The following ZNF616 variants were observed in gnomAD, a reference collection of about 807,000 sequenced individuals.
The protein encoded by ZNF616 is zinc finger protein 616.
Under a neutral mutation model 7.6 loss-of-function variants are expected in ZNF616, and 5 were observed. That is an observed-to-expected ratio of 0.66 (90% CI 0.34 to 1.38). The LOEUF is 1.38. Among genes scored for constraint, ZNF616 ranks in the 40% most tolerant of loss-of-function variants. The pLI, the probability that ZNF616 is intolerant of heterozygous loss-of-function variation, is 0.04. For synonymous variants in ZNF616, 319 were observed against 317.2 expected, an observed-to-expected ratio of 1.01 and a Z score of -0.06; for missense variants, 913 against 948.3, an observed-to-expected ratio of 0.96 and a Z score of 0.49.
chr19:52,118,208 G>A (rs183870222), intron 3 of ZNF616, among the ~76,000 whole-genome samples: 1 of 152,210 alleles, frequency 6.6e-6, no homozygotes, highest in Admixed American at 6.5e-5. Context: ...GCCTCCCAAA[G>A]TGCCGGGATT....
At position 52,115,304 on chromosome 19, in the gene ZNF616, G is replaced by A. The variant is rs1408070672; in HGVS notation, c.1860C>T (p.Leu620=). Residue 620 remains leucine, a synonymous_variant, in exon 4 of 4, where the codon CTC becomes CTT. Transcript: ENST00000600228. ...CGKAFNQGST[L]NRHQRIHTGE... ...CGGTATGAATTCTCTGATGTCTATTGAGTGTGGAGCCCTGATTAAAGGCTT... is the reference window on the plus strand; with the variant it reads ...CGGTATGAATTCTCTGATGTCTATTAAGTGTGGAGCCCTGATTAAAGGCTT... The A allele has an allele frequency of 3.8e-5, 62 of 1,613,754 alleles. No individual in the cohort carries two copies. The highest frequency in any genetic ancestry group is 5.3e-5 in the Non-Finnish European group (62 of 1,179,986).
At chr19:52,117,114 T>A in intron 3 of ZNF616, 90 bp from the exon 4 acceptor site, 1 of 1,139,784 alleles carries the variant, frequency 8.8e-7, no homozygotes, top group South Asian at 1.7e-5. Context: ...ACACTAAACA[T>A]AATCTTTATA....
chr19:52,133,587 C>T (rs1010840692), intron 1 of ZNF616, among the ~76,000 whole-genome samples: 6 of 151,974 alleles, frequency 3.9e-5, no homozygotes, highest in Non-Finnish European at 7.4e-5. Context: ...GGCACGATCT[C>T]GGCTCACTGC....
Position 52,139,865 on chromosome 19 carries a change from A to G in ZNF616, c.-210T>C, listed in dbSNP as rs934999051. On this transcript the variant is annotated 5_prime_UTR_variant, in exon 1 of 4. Transcript: ENST00000600228. The surrounding 1 kb of genome is among the most constrained non-coding windows in gnomAD (Gnocchi z 4.1). ...TAATCCAGGCAGACGGAGCGAAGTA[A>G]TGTTTAATCCACGTAGACTGAAACA... 5 of 152,242 alleles carry G rather than the reference A, an allele frequency of 3.3e-5. No homozygotes were observed. The highest frequency in any genetic ancestry group is 7.3e-5 in the Non-Finnish European group (5 of 68,088). The allele number at this position is 152,242 out of a possible 1,614,324, so 9.4% of individuals were successfully genotyped here. A position where few individuals can be genotyped will look rare whatever the true frequency, so the allele number is the denominator to read the frequency against.
chr19:52,130,368 T>G, intron 2 of ZNF616, 133 bp downstream of exon 2: 1 of 892,000 alleles, frequency 1.1e-6, no homozygotes, highest in Non-Finnish European at 1.9e-6. Flanking sequence ...TGGATGAGCA[T>G]GAGCAAATGT....
At chr19:52,121,968 T>A (rs1194143038) in intron 3 of ZNF616, among the ~76,000 whole-genome samples, 1 of 152,060 alleles carries the variant, frequency 6.6e-6, no homozygotes, top group Non-Finnish European at 1.5e-5. Context: ...TAAACATCAG[T>A]TGAGAAGTCC....
At chr19:52,130,010 T>C (rs2088943881) in intron 2 of ZNF616, among the ~76,000 whole-genome samples, 1 of 152,166 alleles carries the variant, frequency 6.6e-6, no homozygotes, top group Non-Finnish European at 1.5e-5. Context: ...TGAGCTCAAG[T>C]GATCCGCCCA....
chr19:52,115,688 A>C lies in ZNF616; in HGVS notation c.1476T>G (p.Pro492=). 6.2e-7 allele frequency: 1 copy of C among 1,612,168 alleles called. No individual in the cohort carries two copies. The highest frequency in any genetic ancestry group is 8.5e-7 in the Non-Finnish European group (1 of 1,179,424). Residue 492 remains proline, a synonymous_variant, in exon 4 of 4, where the codon CCT becomes CCG. Transcript: ENST00000600228. ...AHQRIHTGEK[P]YKCNECGKVF... ...CCTTGCCACATTCATTGCATTTGTA[A>C]GGTTTCTCTCCAGTATGAATTCTCT...
At chr19:52,125,946 T>C (rs1355585129) in intron 2 of ZNF616, among the ~76,000 whole-genome samples, 1 of 152,110 alleles carries the variant, frequency 6.6e-6, no homozygotes, top group Non-Finnish European at 1.5e-5. Context: ...GGGGAGCTTC[T>C]GAGTAGAAAG....
At chr19:52,131,342 G>A (rs1343157703) in intron 1 of ZNF616, among the ~76,000 whole-genome samples, 3 of 151,490 alleles carry the variant, frequency 2.0e-5, no homozygotes, top group Non-Finnish European at 4.4e-5. Context: ...CCTAACTACT[G>A]GAAGGAGAAT....
chr19:52,132,881 G>A (rs2088972691), intron 1 of ZNF616, among the ~76,000 whole-genome samples: 1 of 152,154 alleles, frequency 6.6e-6, no homozygotes, highest in African/African-American at 2.4e-5. Context: ...CAGTAGGTGT[G>A]GACAGAGATA....
rs1283048317 is a variant in ZNF616 at position 52,114,843 on chromosome 19, G to C, written c.2321C>G (p.Thr774Ser). The C allele has an allele frequency of 6.3e-7, 1 of 1,591,044 alleles. No homozygotes were observed. The highest frequency in any genetic ancestry group is 8.5e-7 in the Non-Finnish European group (1 of 1,169,988). ...CTAAGGCCTTGTCACATTGAGTTTA[G>C]TTGTAAGGCTCTCTCCAGTATGTCT... ...RIRHTGESLTTKLNVTRP is the reference protein window; with the variant it reads ...RIRHTGESLTSKLNVTRP Residue 774 changes from threonine to serine, a missense_variant, in exon 4 of 4, where the codon ACT (threonine) becomes AGT (serine). Coordinates refer to ENST00000600228, the MANE Select transcript of ZNF616 (RefSeq NM_178523.5).
rs1014086106 is a variant in ZNF616, at chr19:52,137,404, C to T, written c.-77+2328G>A. Among the ~76,000 whole-genome samples, 8 of 152,052 alleles carry T rather than the reference C, an allele frequency of 5.3e-5. No homozygotes were observed. In the East Asian group the frequency reaches 1.5e-3, roughly 29 times the overall value. On this transcript the variant is annotated intron_variant, in intron 1 of 3. Coordinates refer to ENST00000600228, the MANE Select transcript of ZNF616 (RefSeq NM_178523.5). Reference sequence around the variant, plus strand: ...CACCACTGCACTCTAGCCTGGGCGACAGAGCGAGCGAGACTCTGTCTCAAA... The same window carrying T: ...CACCACTGCACTCTAGCCTGGGCGATAGAGCGAGCGAGACTCTGTCTCAAA...
At chr19:52,131,291 T>G (rs971925716) in intron 1 of ZNF616, among the ~76,000 whole-genome samples, 5 of 89,830 alleles carry the variant, frequency 5.6e-5, no homozygotes, top group Admixed American at 1.1e-4. Context: ...AAAAAAAAAA[T>G]CAACTTGGGT....
At chr19:52,126,405 G>A (rs1428501709) in intron 2 of ZNF616, among the ~76,000 whole-genome samples, 2 of 152,080 alleles carry the variant, frequency 1.3e-5, no homozygotes, top group African/African-American at 4.8e-5. Flanking sequence ...GCACATGCCT[G>A]TAATCTGAGG....
Position 52,115,485 on chromosome 19 carries a change from T to C in ZNF616, c.1679A>G (p.Gln560Arg), listed in dbSNP as rs372249879. ...KCKECGKVFS[Q>R]CSRLTVHRRI... ...CCGATGCACTGTAAGACGTGAACAT[T>C]GACTGAAGACCTTGCCACATTCTTT... is the stretch of plus-strand genomic sequence containing the variant. Residue 560 changes from glutamine to arginine, a missense_variant, in exon 4 of 4, where the codon CAA becomes CGA. By Grantham distance (43) the Gln-to-Arg change is conservative. Transcript: ENST00000600228. 2 of 1,614,192 alleles carry C rather than the reference T, an allele frequency of 1.2e-6. No individual in the cohort carries two copies. The highest frequency in any genetic ancestry group is 1.7e-6 in the Non-Finnish European group (2 of 1,180,030).
chr19:52,121,033 A>G (rs2088860962), intron 3 of ZNF616, among the ~76,000 whole-genome samples: 2 of 152,212 alleles, frequency 1.3e-5, no homozygotes, highest in African/African-American at 2.4e-5. Context: ...CTTCAAAAGA[A>G]ATATTTAAAA....
intron 2 of ZNF616, among the ~76,000 whole-genome samples, chr19:52,126,356 C>T (rs913837355): frequency 1.3e-5 from 2 of 152,046 alleles, no homozygotes; most frequent in African/African-American, 2.4e-5. Flanking sequence ...TATGAAACCC[C>T]ATCTCTACTA....
intron 3 of ZNF616, 118 bp from the exon 4 acceptor site, chr19:52,117,142 T>A: frequency 1.3e-6 from 1 of 784,638 alleles, no homozygotes; most frequent in Non-Finnish European, 1.9e-6. Flanking sequence ...GGTGTGAGAG[T>A]TCTCCACCAT....
Sources: allele counts gnomAD v4.1 joint callset (sites outside exome capture counted in the v4.1 genomes callset), GRCh38; gene constraint gnomAD v4.1.1; non-coding constraint Gnocchi (gnomAD v3.1); transcripts MANE v1.5; gene names NCBI Gene and HGNC (gene_info 2026-07-23, HGNC 2026-07-21).